The following EIF4H variants were observed in gnomAD, a reference collection of about 807,000 sequenced individuals.
EIF4H encodes Williams-Beuren syndrome chromosome region 1.
Under a neutral mutation model 30.6 loss-of-function variants are expected in EIF4H, and 8 were observed. That is an observed-to-expected ratio of 0.26 (90% CI 0.15 to 0.47). The LOEUF (loss-of-function observed/expected upper bound fraction) is 0.47, where lower values mean the gene tolerates loss of function less well. EIF4H is among the 20% of genes least tolerant of loss of function. The pLI, the probability that EIF4H is intolerant of heterozygous loss-of-function variation, is 0.99. For synonymous variants in EIF4H, 106 were observed against 122.7 expected (o/e 0.86, Z 0.90); for missense variants, 188 against 339.5 (o/e 0.55, Z 3.51).
intron 1 of EIF4H, among the ~76,000 whole-genome samples, chr7:74,185,108 A>C (rs1801052416): frequency 1.3e-5 from 2 of 152,024 alleles, no homozygotes; most frequent in Non-Finnish European, 2.9e-5. Context: ...CTCCCACCTC[A>C]GCCTCCCAGG....
intron 1 of EIF4H, among the ~76,000 whole-genome samples, chr7:74,186,788 ATTTTTTTTTTTTTTT>A (rs564794579): frequency 0.032 from 2,253 of 69,930 alleles, 659 homozygotes; most frequent in Middle Eastern, 0.043. Context: ...ACAAGGAGAA[ATTTTTTTTTTTTTTT>A]TTTTTTTTTT....
chr7:74,175,331 C>T (rs1554707508), intron 1 of EIF4H, among the ~76,000 whole-genome samples: 4 of 152,116 alleles, frequency 2.6e-5, no homozygotes, highest in Non-Finnish European at 1.5e-5. Context: ...CTATGAACAT[C>T]TTGCTGTTTG....
At chr7:74,188,353 C>G (rs1164926764) in intron 2 of EIF4H, among the ~76,000 whole-genome samples, 1 of 152,182 alleles carries the variant, frequency 6.6e-6, no homozygotes, top group African/African-American at 2.4e-5. Flanking sequence ...AAGAAGGGAT[C>G]CGAGCAGCAT....
At chr7:74,192,214 A>T (rs1253039282) in intron 5 of EIF4H, among the ~76,000 whole-genome samples, 1 of 152,178 alleles carries the variant, frequency 6.6e-6, no homozygotes, top group Non-Finnish European at 1.5e-5. Context: ...CTTTGTACTC[A>T]CGTGGAAAGG....
chr7:74,179,025 ATACTCACATTTTTGGAGCCTTCTGTG>A (rs778691456), intron 1 of EIF4H, among the ~76,000 whole-genome samples: 53 of 152,178 alleles, frequency 3.5e-4, no homozygotes, highest in African/African-American at 7.0e-4. Context: ...TCTTTCATGT[ATACTCACATTTTTGGAGCCTTCTGTG>A]TACTCACATT....
intron 5 of EIF4H, among the ~76,000 whole-genome samples, chr7:74,194,512 T>C (rs1045917541): frequency 6.6e-6 from 1 of 152,348 alleles, no homozygotes; most frequent in South Asian, 2.1e-4. Context: ...GTTTGTTTGC[T>C]CTCCTAAGAT....
rs117784706 is a variant in EIF4H, at chr7:74,193,566, A to G, written c.470-1175A>G. ...GGCACCCCCTGAGTGCGCAACCAACAGCAGCAAGCTCATTTGTTTAATTAT... is the reference window on the plus strand; with the variant it reads ...GGCACCCCCTGAGTGCGCAACCAACGGCAGCAAGCTCATTTGTTTAATTAT... On this transcript the variant is annotated intron_variant, in intron 5 of 6. Transcript: ENST00000265753. Among the ~76,000 whole-genome samples, 244 of 151,352 alleles carry G rather than the reference A, an allele frequency of 1.6e-3. No individual in the cohort carries two copies. The Middle Eastern group carries it at 0.021, about 13-fold the overall frequency.
intron 1 of EIF4H, among the ~76,000 whole-genome samples, chr7:74,179,915 C>T (rs896958284): frequency 2.0e-5 from 3 of 152,128 alleles, no homozygotes; most frequent in Non-Finnish European, 4.4e-5. Flanking sequence ...TTACCATTGG[C>T]AACAAATACT....
At chr7:74,182,168 T>C (rs193088031) in intron 1 of EIF4H, among the ~76,000 whole-genome samples, 2 of 152,196 alleles carry the variant, frequency 1.3e-5, no homozygotes, top group South Asian at 2.1e-4. Flanking sequence ...ATGCAAAACA[T>C]TACAGAAAAA....
chr7:74,196,185 T>TGGAGGG lies in EIF4H; in HGVS notation c.*880_*885dup, dbSNP rs1258623600. ...CTGCTGGGCCAAGGCGCTTTGGGGG[T>TGGAGGG]GGAGGGGGTGGTGCTGGTGCTGCAC... On this transcript the variant is annotated 3_prime_UTR_variant, in exon 7 of 7. Transcript: ENST00000265753. The TGGAGGG allele has an allele frequency of 1.3e-5, 2 of 152,814 alleles. No homozygotes were observed. The highest frequency in any genetic ancestry group is 3.9e-4 in the East Asian group (2 of 5,186). The allele number at this position is 152,814 out of a possible 1,614,324, so 9.5% of individuals were successfully genotyped here. A position where few individuals can be genotyped will look rare whatever the true frequency, so the allele number is the denominator to read the frequency against.
At chr7:74,193,466 C>T (rs920879998) in intron 5 of EIF4H, among the ~76,000 whole-genome samples, 43 of 152,254 alleles carry the variant, frequency 2.8e-4, no homozygotes, top group African/African-American at 1.0e-3. Flanking sequence ...ATACTGCGGG[C>T]TCTGGGGGTT....
chr7:74,189,595 A>T (rs1045737485), intron 2 of EIF4H, 78 bp from the exon 3 acceptor site: 16 of 1,521,276 alleles, frequency 1.1e-5, no homozygotes, highest in Middle Eastern at 2.4e-4. Context: ...TGACGTGGAG[A>T]AGTAGTATGA....
rs564805794 is a variant in EIF4H, at chr7:74,174,367, C to G, written c.-17C>G. ...CTTCCTCGCTCACCCTGGTTCCTCT[C>G]GGAGCGGAGACGGCAAATGGCGGAC... is the stretch of plus-strand genomic sequence containing the variant. On this transcript the variant is annotated 5_prime_UTR_variant, in exon 1 of 7. Transcript: ENST00000265753. 3.5e-6 allele frequency: 5 copies of G among 1,445,198 alleles called. No individual in the cohort carries two copies. In the South Asian group the frequency reaches 7.1e-5, roughly 21 times the overall value. The allele number at this position is 1,445,198 out of a possible 1,614,324, so 89.5% of individuals were successfully genotyped here.
intron 5 of EIF4H, among the ~76,000 whole-genome samples, chr7:74,190,636 G>A (rs186904919): frequency 1.8e-4 from 27 of 152,342 alleles, no homozygotes; most frequent in Admixed American, 5.9e-4. Flanking sequence ...ACCAAGAGAA[G>A]TACTGTTCCT....
intron 1 of EIF4H, among the ~76,000 whole-genome samples, chr7:74,179,490 G>C (rs1800909562): frequency 6.6e-6 from 1 of 152,104 alleles, no homozygotes; most frequent in South Asian, 2.1e-4. Flanking sequence ...AAACTAGCTG[G>C]GCATGGTGGT....
At chr7:74,192,178 A>C (rs1339523804) in intron 5 of EIF4H, among the ~76,000 whole-genome samples, 1 of 152,162 alleles carries the variant, frequency 6.6e-6, no homozygotes, top group Non-Finnish European at 1.5e-5. Context: ...AAATCATTTA[A>C]TCTCATAGTA....
intron 4 of EIF4H, 26 bp downstream of exon 4, chr7:74,189,944 A>G: frequency 6.2e-7 from 1 of 1,611,774 alleles, no homozygotes; most frequent in Non-Finnish European, 8.5e-7. Context: ...AAAGCTGAAC[A>G]TCATAAAGAT....
At position 74,187,704 on chromosome 7, in the gene EIF4H, C is replaced by A; in HGVS notation, c.153C>A (p.Phe51Leu). The A allele has an allele frequency of 6.2e-7, 1 of 1,613,908 alleles. No homozygotes were observed. The highest frequency in any genetic ancestry group is 8.5e-7 in the Non-Finnish European group (1 of 1,179,874). Residue 51 changes from phenylalanine to leucine, a missense_variant, in exon 2 of 7, where the codon TTC (phenylalanine) becomes TTA (leucine). Physicochemically the swap from Phe to Leu is conservative, Grantham distance 22. Transcript: ENST00000265753. ...PYTAYVGNLP[F>L]NTVQGDIDAI... ...CAGCATACGTAGGAAATCTACCTTT[C>A]AATACGGTTCAGGGCGACATAGATG... is the stretch of plus-strand genomic sequence containing the variant.
intron 1 of EIF4H, among the ~76,000 whole-genome samples, chr7:74,179,488 TG>T (rs1800909512): frequency 6.6e-6 from 1 of 152,050 alleles, no homozygotes; most frequent in South Asian, 2.1e-4. Flanking sequence ...AAAAACTAGC[TG>T]GGCATGGTGG....
Sources: gnomAD v4.1 joint callset for allele counts (sites outside exome capture counted in the v4.1 genomes callset) on GRCh38, gnomAD v4.1.1 for gene constraint, MANE v1.5 for transcripts, NCBI Gene and HGNC (gene_info 2026-07-23, HGNC 2026-07-21) for gene names.